The following CTNND2 variants were observed in gnomAD, a reference collection of about 807,000 sequenced individuals.
CTNND2 encodes the protein catenin delta 2.
Under a neutral mutation model 144.4 loss-of-function variants are expected in CTNND2, and 22 were observed. That is an observed-to-expected ratio of 0.15 (90% CI 0.11 to 0.22). CTNND2 has a LOEUF of 0.22. Ranked by LOEUF, CTNND2 falls within the 10% of genes least tolerant of loss-of-function variation. The pLI, the probability that CTNND2 is intolerant of heterozygous loss-of-function variation, is 1.00. For missense variants in CTNND2, 1,353 were observed against 1,618.8 expected, an observed-to-expected ratio of 0.84 and a Z score of 2.82; for synonymous variants, 751 against 695.6, an observed-to-expected ratio of 1.08 and a Z score of -1.25.
chr5:11,825,622 T>G (rs1793561312), intron 1 of CTNND2, among the ~76,000 whole-genome samples: 1 of 152,010 alleles, frequency 6.6e-6, no homozygotes, highest in African/African-American at 2.4e-5. Flanking sequence ...AATAATAATC[T>G]AACAATCCTG....
chr5:11,393,381 C>T (rs753245211), intron 6 of CTNND2, among the ~76,000 whole-genome samples: 37 of 152,192 alleles, frequency 2.4e-4, no homozygotes, highest in Non-Finnish European at 4.7e-4. Flanking sequence ...TTGTGTACTC[C>T]TTTGCCAGTG....
intron 2 of CTNND2, among the ~76,000 whole-genome samples, chr5:11,727,219 T>C (rs1263354919): frequency 3.9e-5 from 6 of 152,348 alleles, no homozygotes; most frequent in African/African-American, 7.2e-5. Context: ...AGCATCCCTT[T>C]CCTTCATACA....
intron 3 of CTNND2, among the ~76,000 whole-genome samples, chr5:11,478,117 T>C (rs1767927921): frequency 6.6e-6 from 1 of 152,238 alleles, no homozygotes; most frequent in East Asian, 1.9e-4. Context: ...ACTCTCACTC[T>C]ACACTTCTTC....
intron 1 of CTNND2, among the ~76,000 whole-genome samples, chr5:11,884,434 A>G (rs183544262): frequency 5.5e-4 from 84 of 152,232 alleles, no homozygotes; most frequent in African/African-American, 1.9e-3. Flanking sequence ...TAAATAGGGA[A>G]TCCTTTCCCC....
In CTNND2 at chr5:11,384,265, T is replaced by C. The variant is rs748135876; in HGVS notation, c.1177+400A>G. ...CCCTTACTTTTTCCACAATGAAATGTAGACAACTAAAGGTGACCCTGTCAA... is the reference window on the plus strand; with the variant it reads ...CCCTTACTTTTTCCACAATGAAATGCAGACAACTAAAGGTGACCCTGTCAA... On this transcript the variant is annotated intron_variant, in intron 7 of 21. Coordinates refer to ENST00000304623, the MANE Select transcript of CTNND2 (RefSeq NM_001332.4). The surrounding 1 kb of genome is among the most constrained non-coding windows in gnomAD (Gnocchi z 5.2). Among the ~76,000 whole-genome samples, 1 of 152,244 alleles carries C rather than the reference T, an allele frequency of 6.6e-6. No individual in the cohort carries two copies. The highest frequency in any genetic ancestry group is 1.5e-5 in the Non-Finnish European group (1 of 68,040).
intron 3 of CTNND2, among the ~76,000 whole-genome samples, chr5:11,467,101 G>T (rs546727001): frequency 3.3e-5 from 5 of 152,244 alleles, no homozygotes; most frequent in Non-Finnish European, 5.9e-5. Context: ...TCCTAAGCCA[G>T]TGCACCAGGC....
intron 1 of CTNND2, among the ~76,000 whole-genome samples, chr5:11,857,392 A>G (rs1485831166): frequency 6.6e-6 from 1 of 152,208 alleles, no homozygotes; most frequent in Non-Finnish European, 1.5e-5. Flanking sequence ...AATGACAATG[A>G]GGCTGGAGCA....
chr5:11,357,030 G>T (rs188382851), intron 8 of CTNND2, among the ~76,000 whole-genome samples: 1 of 151,972 alleles, frequency 6.6e-6, no homozygotes, highest in East Asian at 1.9e-4. Flanking sequence ...AAAAAGAAAA[G>T]TGTTGGCAAG....
intron 3 of CTNND2, among the ~76,000 whole-genome samples, chr5:11,522,776 C>G (rs1281693960): frequency 6.6e-6 from 1 of 152,076 alleles, no homozygotes; most frequent in African/African-American, 2.4e-5. Flanking sequence ...CCAAGTTATT[C>G]CATATAGACA....
At chr5:11,328,289 CTTT>C (rs747493685) in intron 9 of CTNND2, among the ~76,000 whole-genome samples, 5 of 135,782 alleles carry the variant, frequency 3.7e-5, no homozygotes, top group African/African-American at 1.1e-4. Context: ...ACACAAAATT[CTTT>C]TTTTTTTTTT....
At chr5:11,267,476 C>A (rs1034871643) in intron 9 of CTNND2, among the ~76,000 whole-genome samples, 3 of 152,192 alleles carry the variant, frequency 2.0e-5, no homozygotes, top group African/African-American at 7.2e-5. Context: ...CAGTCATTAA[C>A]TGGGACACAG....
intron 9 of CTNND2, among the ~76,000 whole-genome samples, chr5:11,246,198 A>G (rs1376043458): frequency 6.6e-6 from 1 of 152,168 alleles, no homozygotes; most frequent in Non-Finnish European, 1.5e-5. Context: ...TTATTAAAAG[A>G]GCAGAATGTA....
intron 16 of CTNND2, among the ~76,000 whole-genome samples, chr5:11,027,035 G>C (rs944000703): frequency 6.6e-6 from 1 of 152,146 alleles, no homozygotes; most frequent in Admixed American, 6.5e-5. Context: ...TTATATGAGA[G>C]AATCACGTAC....
chr5:11,190,002 A>G (rs886709624), intron 11 of CTNND2, among the ~76,000 whole-genome samples: 5 of 152,196 alleles, frequency 3.3e-5, no homozygotes, highest in African/African-American at 7.2e-5. Flanking sequence ...GCCTCTGTGA[A>G]GAGATAATCC....
At chr5:10,991,105 G>A (rs189160761) in intron 19 of CTNND2, among the ~76,000 whole-genome samples, 20 of 152,328 alleles carry the variant, frequency 1.3e-4, no homozygotes, top group Admixed American at 6.5e-4. Context: ...GTTCCTGATC[G>A]TCACCCAGGG....
intron 3 of CTNND2, among the ~76,000 whole-genome samples, chr5:11,416,672 C>T (rs944723305): frequency 6.6e-6 from 1 of 152,132 alleles, no homozygotes; most frequent in African/African-American, 2.4e-5. Flanking sequence ...ACACTCATAT[C>T]AGGTGTCTAG....
intron 1 of CTNND2, among the ~76,000 whole-genome samples, chr5:11,790,715 C>A (rs565971150): frequency 5.3e-5 from 8 of 152,092 alleles, no homozygotes; most frequent in African/African-American, 1.9e-4. Context: ...GAAATGTTTA[C>A]GGGTAGTCCT....
chr5:11,826,725 A>T (rs1330890399), intron 1 of CTNND2, among the ~76,000 whole-genome samples: 1 of 152,104 alleles, frequency 6.6e-6, no homozygotes, highest in Non-Finnish European at 1.5e-5. Context: ...ACAGACTTCA[A>T]ACTAAAAAAC....
chr5:11,634,026 C>T (rs560368930), intron 2 of CTNND2, among the ~76,000 whole-genome samples: 1 of 152,140 alleles, frequency 6.6e-6, no homozygotes, highest in African/African-American at 2.4e-5. Context: ...CAGGCTCATG[C>T]TTCTCCTGCA....
Sources: gnomAD v4.1 joint callset for allele counts (sites outside exome capture counted in the v4.1 genomes callset) on GRCh38, gnomAD v4.1.1 for gene constraint, Gnocchi (gnomAD v3.1) non-coding constraint, MANE v1.5 for transcripts, NCBI Gene and HGNC (gene_info 2026-07-23, HGNC 2026-07-21) for gene names.